RBFOX1: variants seen among roughly 807,000 people sequenced by gnomAD.
RBFOX1 encodes the protein RNA binding fox-1 homolog 1, also known as RNA binding protein fox-1 homolog 1.
In RBFOX1, 8 loss-of-function variants were observed where a neutral mutation model predicts 57.7. The observed-to-expected ratio is 0.14, with a 90% confidence interval of 0.08 to 0.25. The LOEUF (loss-of-function observed/expected upper bound fraction) is 0.25. RBFOX1 is among the 10% of genes least tolerant of loss of function. The pLI, the probability that RBFOX1 is intolerant of heterozygous loss-of-function variation, is 1.00. For synonymous variants in RBFOX1, 326 were observed against 222.4 expected, an observed-to-expected ratio of 1.47 and a Z score of -4.15; for missense variants, 611 against 548.5, an observed-to-expected ratio of 1.11 and a Z score of -1.14.
At chr16:6,813,555 TCTCA>T (rs1397420012) in intron 3 of RBFOX1, among the ~76,000 whole-genome samples, 1 of 152,206 alleles carries the variant, frequency 6.6e-6, no homozygotes, top group African/African-American at 2.4e-5. Flanking sequence ...TTGTGCTGAA[TCTCA>T]CTAAGTGTCT....
intron 2 of RBFOX1, among the ~76,000 whole-genome samples, chr16:5,548,159 A>T (rs2045295623): frequency 1.4e-5 from 1 of 72,564 alleles, no homozygotes; most frequent in African/African-American, 6.9e-5. Context: ...AGACTCTGTT[A>T]AAAAAAAAAA....
chr16:6,552,390 C>G (rs912586875), intron 2 of RBFOX1, among the ~76,000 whole-genome samples: 1 of 152,164 alleles, frequency 6.6e-6, no homozygotes, highest in African/African-American at 2.4e-5. Context: ...GGGCTAGTCT[C>G]TGTAGTTCTC....
intron 3 of RBFOX1, among the ~76,000 whole-genome samples, chr16:5,782,995 C>T (rs2035993262): frequency 6.6e-6 from 1 of 152,178 alleles, no homozygotes; most frequent in African/African-American, 2.4e-5. Context: ...GTCGAGTCCA[C>T]TGATTTAAAT....
chr16:6,342,118 T>G (rs1401220008), intron 2 of RBFOX1, among the ~76,000 whole-genome samples: 1 of 152,170 alleles, frequency 6.6e-6, no homozygotes, highest in East Asian at 1.9e-4. Context: ...ATTGGCAAAC[T>G]ATCAAAGCCC....
Position 7,197,998 on chromosome 16 carries a change from C to CTTTCTTTCTTTTTTTTTT in RBFOX1, c.27+145903_27+145904insCTTTCTTTTTTTTTTTTT, listed in dbSNP as rs61556349. Among the ~76,000 whole-genome samples, 99 of 55,602 alleles carry CTTTCTTTCTTTTTTTTTT rather than the reference C, an allele frequency of 1.8e-3. 4 individuals carry two copies. The highest frequency in any genetic ancestry group is 2.2e-3 in the Non-Finnish European group (68 of 31,254). 36.5% of individuals were successfully genotyped at this position (55,602 alleles called of 152,430 possible). A position where few individuals can be genotyped will look rare whatever the true frequency, so the allele number is the denominator to read the frequency against. ...TCATACCTTGTGGTTTTCTTTCTTTCTTTTTTTTTTTTTTTTTTTTTTTTT... is the reference window on the plus strand; with the variant it reads ...TCATACCTTGTGGTTTTCTTTCTTTCTTTCTTTCTTTTTTTTTTTTTTTTTTTTTTTTTTTTTTTTTTT... On this transcript the variant is annotated intron_variant, in intron 4 of 15. Coordinates refer to ENST00000550418, the MANE Select transcript of RBFOX1 (RefSeq NM_018723.4).
intron 4 of RBFOX1, among the ~76,000 whole-genome samples, chr16:7,152,560 C>A (rs1216676605): frequency 1.3e-5 from 2 of 151,942 alleles, no homozygotes; most frequent in Non-Finnish European, 2.9e-5. Context: ...TAAAGATAGG[C>A]AGTTAGGTTC....
chr16:7,163,048 G>T (rs552213220), intron 4 of RBFOX1, among the ~76,000 whole-genome samples: 1 of 152,168 alleles, frequency 6.6e-6, no homozygotes, highest in Admixed American at 6.5e-5. Context: ...TCACAGAGCA[G>T]GTATTATGCC....
At chr16:5,556,825 A>C (rs1597511842) in intron 2 of RBFOX1, among the ~76,000 whole-genome samples, 1 of 152,242 alleles carries the variant, frequency 6.6e-6, no homozygotes, top group East Asian at 1.9e-4. Flanking sequence ...CAGTATTTTC[A>C]GGCCACTGTG....
intron 3 of RBFOX1, among the ~76,000 whole-genome samples, chr16:5,645,159 G>C (rs2049007996): frequency 6.6e-6 from 1 of 151,890 alleles, no homozygotes; most frequent in Non-Finnish European, 1.5e-5. Context: ...TGAGGCAGGA[G>C]AATCACTTGA....
chr16:5,709,202 A>T lies in RBFOX1; in HGVS notation c.318+110241A>T, dbSNP rs540413291. On this transcript the variant is annotated intron_variant, in intron 3 of 19. Coordinates refer to the RBFOX1 transcript ENST00000641259. ...GCTCCAGTGAGAGATAGATTAGAAA[A>T]TGGGCTCTGATGGCTTTGTGTAATC... Among the ~76,000 whole-genome samples, 3 of 152,290 alleles carry T rather than the reference A, an allele frequency of 2.0e-5. No homozygotes were observed. The South Asian group carries it at 6.2e-4, about 32-fold the overall frequency.
chr16:5,874,841 A>T (rs1449398559), intron 4 of RBFOX1, among the ~76,000 whole-genome samples: 3 of 152,104 alleles, frequency 2.0e-5, no homozygotes, highest in Admixed American at 2.0e-4. Context: ...GCTGCTCAGG[A>T]GGCTGAGACG....
chr16:6,996,260 A>G lies in RBFOX1; in HGVS notation c.-15-55797A>G, dbSNP rs539056796. Among the ~76,000 whole-genome samples, 20 of 152,328 alleles carry G rather than the reference A, an allele frequency of 1.3e-4. No homozygotes were observed. In the South Asian group the frequency reaches 2.9e-3, roughly 22 times the overall value. ...AGCCTTTGCTTTTAAATTCATATAA[A>G]TACAATGATATTGAGTATCTCTACT... On this transcript the variant is annotated intron_variant, in intron 3 of 15. Coordinates refer to ENST00000550418, the MANE Select transcript of RBFOX1 (RefSeq NM_018723.4).
chr16:6,062,185 C>G (rs930191459), intron 1 of RBFOX1, among the ~76,000 whole-genome samples: 27 of 152,184 alleles, frequency 1.8e-4, no homozygotes, highest in African/African-American at 6.3e-4. Context: ...GGTAGCCCCA[C>G]TAGTTAAGAA....
intron 2 of RBFOX1, among the ~76,000 whole-genome samples, chr16:6,445,128 G>T (rs1279446047): frequency 6.6e-6 from 1 of 152,142 alleles, no homozygotes; most frequent in Non-Finnish European, 1.5e-5. Context: ...CTAGATGTTA[G>T]ACTTGGGATG....
At chr16:5,369,364 C>T (rs916608974) in intron 1 of RBFOX1, among the ~76,000 whole-genome samples, 4 of 152,190 alleles carry the variant, frequency 2.6e-5, no homozygotes, top group East Asian at 1.9e-4. Flanking sequence ...TCTTTATCCT[C>T]GTGATGTCTC....
intron 1 of RBFOX1, among the ~76,000 whole-genome samples, chr16:5,392,427 G>A (rs1389184781): frequency 6.6e-6 from 1 of 152,016 alleles, no homozygotes; most frequent in Non-Finnish European, 1.5e-5. Context: ...GTAATACTTG[G>A]ATATCTTTAG....
intron 1 of RBFOX1, among the ~76,000 whole-genome samples, chr16:5,273,809 C>T (rs561919138): frequency 8.6e-4 from 131 of 152,084 alleles, no homozygotes; most frequent in Non-Finnish European, 1.2e-3. Context: ...ATGGAGAGTT[C>T]GGGGGATGTA....
chr16:6,430,870 C>A (rs761100748), intron 2 of RBFOX1, among the ~76,000 whole-genome samples: 34 of 151,590 alleles, frequency 2.2e-4, no homozygotes, highest in Non-Finnish European at 2.8e-4. Flanking sequence ...GTAGCTCATG[C>A]CTGTCACCCC....
At chr16:6,501,203 A>G (rs184289750) in intron 2 of RBFOX1, among the ~76,000 whole-genome samples, 1 of 143,458 alleles carries the variant, frequency 7.0e-6, no homozygotes, top group Non-Finnish European at 1.5e-5. Context: ...GGTTTGTTAC[A>G]TATGTATACA....
Sources: allele counts gnomAD v4.1 joint callset (sites outside exome capture counted in the v4.1 genomes callset), GRCh38; gene constraint gnomAD v4.1.1; transcripts MANE v1.5; gene names NCBI Gene and HGNC (gene_info 2026-07-23, HGNC 2026-07-21).